LDAH: variants seen among roughly 807,000 people sequenced by gnomAD.
LDAH encodes the protein lipid droplet-associated hydrolase.
Under a neutral mutation model 29.6 loss-of-function variants are expected in LDAH, and 26 were observed. That is an observed-to-expected ratio of 0.88 (90% confidence interval 0.64 to 1.22). The LOEUF (loss-of-function observed/expected upper bound fraction) is 1.22. Ranked by LOEUF, LDAH falls within the 50% of genes most tolerant of loss-of-function variation. The probability of loss-of-function intolerance (pLI) is 0.00; values close to 1 mark genes in which losing one functional copy is unlikely to be tolerated. For missense variants in LDAH, 344 were observed against 387.3 expected (o/e 0.89, Z 0.94); for synonymous variants, 117 against 133.0 (o/e 0.88, Z 0.83).
chr2:20,819,241 A>G (rs767486831), intron 1 of LDAH, among the ~76,000 whole-genome samples: 26 of 152,292 alleles, frequency 1.7e-4, no homozygotes, highest in Non-Finnish European at 2.9e-4. Flanking sequence ...ACCAGAGAGT[A>G]GCTTTCAGCT....
In LDAH at chr2:20,685,391, C is replaced by A; in HGVS notation, c.*1512G>T. 1 of 880,398 alleles carries A rather than the reference C, an allele frequency of 1.1e-6. No homozygotes were observed. The highest frequency in any genetic ancestry group is 1.6e-6 in the Non-Finnish European group (1 of 607,752). 54.5% of individuals were successfully genotyped at this position (880,398 alleles called of 1,614,324 possible). On this transcript the variant is annotated 3_prime_UTR_variant, in exon 7 of 7. Coordinates refer to ENST00000237822, the MANE Select transcript of LDAH (RefSeq NM_021925.4). ...TCTCATGCAGATGCCAATAAAGGAT[C>A]TGTGTACAGCCCTGTGCTTACGGCC...
intron 5 of LDAH, among the ~76,000 whole-genome samples, chr2:20,715,775 T>TGTATAGTATTC (rs1553337890): frequency 7.2e-5 from 11 of 152,138 alleles, no homozygotes; most frequent in Non-Finnish European, 1.5e-4. Context: ...GAACTCCCAT[T>TGTATAGTATTC]CACAATTGCT....
At chr2:20,744,400 G>C (rs956659872) in intron 4 of LDAH, among the ~76,000 whole-genome samples, 2 of 152,044 alleles carry the variant, frequency 1.3e-5, no homozygotes, top group African/African-American at 2.4e-5. Context: ...CAGTCTTTTA[G>C]TAAGCATATG....
chr2:20,796,915 C>T (rs1257439394), intron 2 of LDAH, among the ~76,000 whole-genome samples: 1 of 152,148 alleles, frequency 6.6e-6, no homozygotes, highest in African/African-American at 2.4e-5. Context: ...CCCTCTGATA[C>T]GCCTTTATAC....
chr2:20,715,469 A>C (rs74729102), intron 5 of LDAH, among the ~76,000 whole-genome samples: 1 of 152,132 alleles, frequency 6.6e-6, no homozygotes, highest in Non-Finnish European at 1.5e-5. Flanking sequence ...GCAAACCGGC[A>C]CAAGACAGGG....
intron 6 of LDAH, among the ~76,000 whole-genome samples, chr2:20,689,631 G>C (rs995938649): frequency 6.6e-6 from 1 of 152,218 alleles, no homozygotes; most frequent in Non-Finnish European, 1.5e-5. Flanking sequence ...CAATAGTGCT[G>C]ATAACATTAG....
chr2:20,801,915 C>G (rs1432045533), intron 1 of LDAH, among the ~76,000 whole-genome samples: 2 of 150,880 alleles, frequency 1.3e-5, no homozygotes, highest in Non-Finnish European at 3.0e-5. Context: ...TTACTCTTCT[C>G]TTCTCCCAAA....
At chr2:20,803,974 C>G (rs368806583) in intron 1 of LDAH, among the ~76,000 whole-genome samples, 1 of 152,224 alleles carries the variant, frequency 6.6e-6, no homozygotes, top group East Asian at 1.9e-4. Context: ...ATAAATCTTT[C>G]CCTCATTATA....
At chr2:20,822,546 C>G (rs907380084) in intron 1 of LDAH, among the ~76,000 whole-genome samples, 5 of 152,162 alleles carry the variant, frequency 3.3e-5, no homozygotes, top group African/African-American at 1.2e-4. Flanking sequence ...GTGTTCCAAT[C>G]TGCATTCTGT....
At chr2:20,774,751 G>T in intron 4 of LDAH, 59 bp downstream of exon 4, 1 of 1,513,678 alleles carries the variant, frequency 6.6e-7, no homozygotes. Flanking sequence ...GGAAAGGTGA[G>T]GAGGATTTGT....
intron 6 of LDAH, among the ~76,000 whole-genome samples, chr2:20,687,360 C>T (rs764729071): frequency 6.6e-6 from 1 of 152,188 alleles, no homozygotes; most frequent in Non-Finnish European, 1.5e-5. Flanking sequence ...AACGACTTAC[C>T]AGGAAAGTTT....
At chr2:20,731,432 C>T (rs1056615512) in intron 5 of LDAH, among the ~76,000 whole-genome samples, 2 of 152,168 alleles carry the variant, frequency 1.3e-5, no homozygotes, top group African/African-American at 4.8e-5. Flanking sequence ...CTACTTGAGG[C>T]GTCCGCAGAA....
At chr2:20,721,844 G>A (rs1665671869) in intron 5 of LDAH, among the ~76,000 whole-genome samples, 1 of 152,212 alleles carries the variant, frequency 6.6e-6, no homozygotes, top group Non-Finnish European at 1.5e-5. Context: ...GCATTCCCAT[G>A]TTTATTGCAG....
chr2:20,797,092 C>G (rs1331881090), intron 2 of LDAH, among the ~76,000 whole-genome samples: 2 of 152,184 alleles, frequency 1.3e-5, no homozygotes, highest in African/African-American at 2.4e-5. Flanking sequence ...ATTTCAAACT[C>G]TCCTTCACTA....
chr2:20,799,046 G>T (rs1014770328), intron 2 of LDAH, among the ~76,000 whole-genome samples: 1 of 151,898 alleles, frequency 6.6e-6, no homozygotes, highest in African/African-American at 2.4e-5. Flanking sequence ...GGCCAACATG[G>T]TGAAGCCCTG....
intron 1 of LDAH, among the ~76,000 whole-genome samples, chr2:20,805,524 T>C (rs1672005201): frequency 6.6e-6 from 1 of 152,160 alleles, no homozygotes; most frequent in Non-Finnish European, 1.5e-5. Flanking sequence ...TACGTTGTAA[T>C]TATATACTGG....
intron 6 of LDAH, among the ~76,000 whole-genome samples, chr2:20,689,563 A>G (rs1558376528): frequency 6.6e-6 from 1 of 152,334 alleles, no homozygotes; most frequent in South Asian, 2.1e-4. Flanking sequence ...ACCCTGCTAT[A>G]GCTTTGCCTT....
At position 20,774,979 on chromosome 2, in the gene LDAH, T is replaced by A. The variant is rs1232735300; in HGVS notation, c.299A>T (p.Asp100Val). 2 of 1,580,306 alleles carry A rather than the reference T, an allele frequency of 1.3e-6. No homozygotes were observed. The highest frequency in any genetic ancestry group is 1.7e-6 in the Non-Finnish European group (2 of 1,159,104). ...GTCCTTAATTTCTTGAGCGTTTGAA[T>A]CTAAAAGCAAAAATATGAGCACGTT... ...KDKKILTTSEDSNAQEIKDIY... is the reference protein window; with the variant it reads ...KDKKILTTSEVSNAQEIKDIY... The change falls in exon 4 of 7, where the codon GAT (aspartate) becomes GTT (valine). Residue 100 changes from aspartate to valine, a missense_variant and splice_region_variant. Physicochemically the swap from Asp to Val is radical, Grantham distance 152. Coordinates refer to ENST00000237822, the MANE Select transcript of LDAH (RefSeq NM_021925.4).
rs947426883 is a variant in LDAH, at chr2:20,823,039, G to C, written c.-5C>G. The C allele has an allele frequency of 6.6e-6, 1 of 152,414 alleles. No homozygotes were observed. The highest frequency in any genetic ancestry group is 2.4e-5 in the African/African-American group (1 of 41,460). 9.4% of individuals were successfully genotyped at this position (152,414 alleles called of 1,614,324 possible). On this transcript the variant is annotated splice_region_variant and 5_prime_UTR_variant, in exon 1 of 7. Transcript: ENST00000237822. ...GAGCTCGGCAAGCTGTACCTCACCT[G>C]TCCACCTGGAAGGCTGCCCGCTCTC...
Sources: allele counts gnomAD v4.1 joint callset (sites outside exome capture counted in the v4.1 genomes callset), GRCh38; gene constraint gnomAD v4.1.1; transcripts MANE v1.5; gene names NCBI Gene and HGNC (gene_info 2026-07-23, HGNC 2026-07-21).